The following AUH variants were observed in gnomAD, a reference collection of about 807,000 sequenced individuals.
The protein encoded by AUH is methylglutaconyl-CoA hydratase, mitochondrial.
A neutral mutation model predicts 42.3 loss-of-function variants in AUH; 29 were observed. The ratio of observed to expected loss-of-function variants is 0.69; its 90% CI spans 0.51 to 0.93. The LOEUF (loss-of-function observed/expected upper bound fraction) is 0.93, where lower values mean the gene tolerates loss of function less well. Among genes scored for constraint, AUH ranks in the 40% least tolerant of loss-of-function variants. The probability of loss-of-function intolerance (pLI) is 0.00; values close to 1 mark genes in which losing one functional copy is unlikely to be tolerated. For synonymous variants in AUH, 174 were observed against 166.4 expected, an observed-to-expected ratio of 1.05 and a Z score of -0.35; for missense variants, 452 against 438.1, an observed-to-expected ratio of 1.03 and a Z score of -0.28.
intron 6 of AUH, among the ~76,000 whole-genome samples, chr9:91,246,819 G>A (rs75939891): frequency 0.021 from 3,128 of 152,332 alleles, 52 homozygotes; most frequent in East Asian, 0.059. Context: ...AAATCCAAGA[G>A]TTAGGAATAG....
intron 6 of AUH, among the ~76,000 whole-genome samples, chr9:91,245,986 C>A (rs954465364): frequency 6.6e-6 from 1 of 152,168 alleles, no homozygotes; most frequent in African/African-American, 2.4e-5. Flanking sequence ...ATGCCAGACC[C>A]CTGTCCTGAG....
chr9:91,332,746 A>C (rs1240278894), intron 3 of AUH, among the ~76,000 whole-genome samples: 1 of 152,192 alleles, frequency 6.6e-6, no homozygotes, highest in African/African-American at 2.4e-5. Context: ...ACAAGTTCTA[A>C]GAGTCATGAA....
At chr9:91,305,593 C>T (rs1013371128) in intron 4 of AUH, among the ~76,000 whole-genome samples, 2 of 152,156 alleles carry the variant, frequency 1.3e-5, no homozygotes, top group African/African-American at 2.4e-5. Context: ...TTTTTCTAAG[C>T]CTATCATTTC....
chr9:91,264,346 A>G (rs575509235), intron 6 of AUH, among the ~76,000 whole-genome samples: 1 of 152,220 alleles, frequency 6.6e-6, no homozygotes, highest in African/African-American at 2.4e-5. Context: ...AGGTTCTCCT[A>G]GGATTTCTAA....
At chr9:91,259,739 A>C (rs978745458) in intron 6 of AUH, among the ~76,000 whole-genome samples, 1 of 152,112 alleles carries the variant, frequency 6.6e-6, no homozygotes, top group Non-Finnish European at 1.5e-5. Context: ...GGAGATTTTA[A>C]ATATGTCTTT....
At chr9:91,298,875 T>C (rs1227135055) in intron 4 of AUH, among the ~76,000 whole-genome samples, 1 of 152,222 alleles carries the variant, frequency 6.6e-6, no homozygotes, top group Non-Finnish European at 1.5e-5. Flanking sequence ...ACTATGGGAA[T>C]GTGAAGCAAG....
intron 6 of AUH, among the ~76,000 whole-genome samples, chr9:91,264,073 T>C (rs1829840775): frequency 1.3e-5 from 2 of 152,150 alleles, no homozygotes; most frequent in South Asian, 2.1e-4. Context: ...TATCACAGAC[T>C]AGCTGTGTTG....
At chr9:91,282,990 C>A (rs1283917210) in intron 6 of AUH, among the ~76,000 whole-genome samples, 3 of 152,150 alleles carry the variant, frequency 2.0e-5, no homozygotes, top group Admixed American at 6.5e-5. Context: ...GATACCAAAG[C>A]CTGGCAGAGA....
chr9:91,271,773 C>T (rs1825149065), intron 6 of AUH, among the ~76,000 whole-genome samples: 2 of 152,178 alleles, frequency 1.3e-5, no homozygotes, highest in African/African-American at 4.8e-5. Flanking sequence ...CTCCGCCTCC[C>T]AGGTTCAAGC....
At chr9:91,227,030 T>C (rs1317986988) in intron 6 of AUH, among the ~76,000 whole-genome samples, 4 of 151,944 alleles carry the variant, frequency 2.6e-5, no homozygotes, top group African/African-American at 9.7e-5. Flanking sequence ...GACTTGGCAA[T>C]GCGGGCTCTT....
intron 6 of AUH, among the ~76,000 whole-genome samples, chr9:91,221,637 G>A (rs558009484): frequency 6.6e-6 from 1 of 152,150 alleles, no homozygotes; most frequent in South Asian, 2.1e-4. Flanking sequence ...TGTGTGTGGA[G>A]TCAGAAGCCA....
At chr9:91,239,482 T>A (rs1828380515) in intron 6 of AUH, among the ~76,000 whole-genome samples, 1 of 152,190 alleles carries the variant, frequency 6.6e-6, no homozygotes, top group South Asian at 2.1e-4. Flanking sequence ...GGACTCTGTG[T>A]CAGATGGCCT....
Position 91,218,699 on chromosome 9 carries a change from CT to C in AUH, c.844-1373del. 7.1e-6 allele frequency: 7 copies of C among 984,932 alleles called. No individual in the cohort carries two copies. The South Asian group carries it at 2.8e-4, about 40-fold the overall frequency. 61.0% of individuals were successfully genotyped at this position (984,932 alleles called of 1,614,324 possible). On this transcript the variant is annotated intron_variant, in intron 7 of 9. Transcript: ENST00000375731. ...TTCCTCCTTAAAACATTTCCAGTGC[CT>C]TTTCTTCTTTACAAGCCTTTTTTTC... is the stretch of plus-strand genomic sequence containing the variant.
intron 6 of AUH, among the ~76,000 whole-genome samples, chr9:91,237,600 T>C (rs562759932): frequency 6.6e-6 from 1 of 152,196 alleles, no homozygotes; most frequent in Non-Finnish European, 1.5e-5. Flanking sequence ...GAAATCATAA[T>C]TAACTTATAG....
chr9:91,342,741 G>C (rs189468129), intron 3 of AUH: 6 of 152,330 alleles, frequency 3.9e-5, no homozygotes, highest in Admixed American at 2.0e-4. Context: ...AGTACTCTGA[G>C]TCATTTTTAA....
At chr9:91,268,921 G>A (rs1824881127) in intron 6 of AUH, among the ~76,000 whole-genome samples, 1 of 152,018 alleles carries the variant, frequency 6.6e-6, no homozygotes, top group Admixed American at 6.6e-5. Context: ...ACAAGATGCT[G>A]GCATGACTAC....
At chr9:91,358,843 G>T (rs968463939) in intron 1 of AUH, among the ~76,000 whole-genome samples, 1 of 152,146 alleles carries the variant, frequency 6.6e-6, no homozygotes, top group Non-Finnish European at 1.5e-5. Context: ...TATCTAATAT[G>T]TAACAACTGT....
intron 6 of AUH, among the ~76,000 whole-genome samples, chr9:91,251,094 A>G (rs1307039102): frequency 6.6e-6 from 1 of 152,162 alleles, no homozygotes; most frequent in South Asian, 2.1e-4. Context: ...ACGTACCACA[A>G]AGATGCATTT....
rs781162444 is a variant in AUH at position 91,361,901 on chromosome 9, A to G, written c.-12T>C. The G allele has an allele frequency of 2.1e-6, 3 of 1,442,102 alleles. No homozygotes were observed. Among genetic ancestry groups the G allele is most frequent in the East Asian group, 3.0e-5 (1 of 33,242 alleles). 89.3% of individuals were successfully genotyped at this position (1,442,102 alleles called of 1,614,324 possible). ...ACCGCGGCCGCCATGTTGTCTGTTTACGGCGTGGACCTGCGACGGCCGCTC... is the reference window on the plus strand; with the variant it reads ...ACCGCGGCCGCCATGTTGTCTGTTTGCGGCGTGGACCTGCGACGGCCGCTC... On this transcript the variant is annotated 5_prime_UTR_variant, in exon 1 of 10. Transcript: ENST00000375731.
Sources: allele counts gnomAD v4.1 joint callset (sites outside exome capture counted in the v4.1 genomes callset), GRCh38; gene constraint gnomAD v4.1.1; transcripts MANE v1.5; gene names NCBI Gene and HGNC (gene_info 2026-07-23, HGNC 2026-07-21).